Variants in FGGY observed in about 807,000 individuals in gnomAD.
FGGY encodes FGGY carbohydrate kinase domain containing, also known as FGGY carbohydrate kinase domain-containing protein.
FGGY carries 72 observed loss-of-function variants against 71.3 expected under a neutral mutation model. The observed-to-expected ratio is 1.01, with a 90% CI of 0.84 to 1.23. The LOEUF is 1.23. Ranked by LOEUF, FGGY falls within the 50% of genes most tolerant of loss-of-function variation. The pLI, the probability that FGGY is intolerant of heterozygous loss-of-function variation, is 0.00. For missense variants in FGGY, 668 were observed against 682.3 expected, an observed-to-expected ratio of 0.98 and a Z score of 0.23; for synonymous variants, 251 against 250.3, an observed-to-expected ratio of 1.00 and a Z score of -0.02.
chr1:59,322,357 T>C (rs923014526), intron 2 of FGGY, among the ~76,000 whole-genome samples: 6 of 151,830 alleles, frequency 4.0e-5, no homozygotes, highest in Non-Finnish European at 7.4e-5. Flanking sequence ...GTAAGTTCTT[T>C]AGTGGTGATT....
chr1:59,552,364 A>G (rs2095621009), intron 7 of FGGY, among the ~76,000 whole-genome samples: 1 of 152,238 alleles, frequency 6.6e-6, no homozygotes, highest in Admixed American at 6.5e-5. Context: ...GGTTGTGGAT[A>G]TGTAACTACT....
intron 5 of FGGY, among the ~76,000 whole-genome samples, chr1:59,379,391 G>A (rs1487415036): frequency 6.6e-6 from 1 of 151,988 alleles, no homozygotes; most frequent in African/African-American, 2.4e-5. Flanking sequence ...AATACTGTAG[G>A]CCATTGTGCA....
chr1:59,486,248 G>A (rs1347600334), intron 6 of FGGY, among the ~76,000 whole-genome samples: 3 of 152,198 alleles, frequency 2.0e-5, no homozygotes, highest in Non-Finnish European at 4.4e-5. Flanking sequence ...GGAACAGCAA[G>A]GGAAATGCAG....
intron 7 of FGGY, among the ~76,000 whole-genome samples, chr1:59,522,131 T>A (rs938373981): frequency 3.9e-5 from 6 of 152,246 alleles, no homozygotes; most frequent in Non-Finnish European, 8.8e-5. Flanking sequence ...CACTGTGAGC[T>A]ACAATTATTT....
intron 1 of FGGY, among the ~76,000 whole-genome samples, chr1:59,300,571 C>G (rs1341620302): frequency 1.3e-5 from 2 of 152,082 alleles, no homozygotes; most frequent in African/African-American, 4.8e-5. Context: ...TTTGCTTAAC[C>G]TAAGGTCTCA....
At chr1:59,553,158 C>T (rs188638482) in intron 7 of FGGY, among the ~76,000 whole-genome samples, 184 of 152,224 alleles carry the variant, frequency 1.2e-3, no homozygotes, top group African/African-American at 4.2e-3. Flanking sequence ...TGAGAGCAAA[C>T]GTGGCATTGC....
intron 8 of FGGY, among the ~76,000 whole-genome samples, chr1:59,587,799 G>T (rs890474756): frequency 1.3e-5 from 2 of 152,070 alleles, no homozygotes; most frequent in African/African-American, 4.8e-5. Context: ...CCATCTGTAC[G>T]TCGCCATCAT....
chr1:59,374,242 A>AAC (rs2058250009), intron 4 of FGGY, among the ~76,000 whole-genome samples: 2 of 152,372 alleles, frequency 1.3e-5, no homozygotes, highest in Non-Finnish European at 2.9e-5. Flanking sequence ...AAGTGGGTGC[A>AAC]GGACATGAAC....
At chr1:59,465,557 A>G (rs554575275) in intron 6 of FGGY, among the ~76,000 whole-genome samples, 1 of 152,306 alleles carries the variant, frequency 6.6e-6, no homozygotes, top group Admixed American at 6.5e-5. Flanking sequence ...GGAAAAGAGG[A>G]AGTCAAATTG....
Position 59,627,337 on chromosome 1 carries a change from A to G in FGGY, c.1073+1288A>G, listed in dbSNP as rs138266562. 7.8e-4 allele frequency among the ~76,000 whole-genome samples: 118 copies of G among 151,446 alleles called. 2 individuals are homozygous for G. The highest frequency in any genetic ancestry group is 2.6e-3 in the African/African-American group (109 of 41,418). ...GCTATAGTGACAACTCTTTATGTGT[A>G]TGCTACAGTTGAGTGAAGAAATCAA... is the stretch of plus-strand genomic sequence containing the variant. On this transcript the variant is annotated intron_variant, in intron 10 of 15. Coordinates refer to ENST00000303721, the MANE Select transcript of FGGY (RefSeq NM_018291.5).
At chr1:59,566,209 A>G (rs2095870669) in intron 8 of FGGY, among the ~76,000 whole-genome samples, 1 of 152,094 alleles carries the variant, frequency 6.6e-6, no homozygotes, top group South Asian at 2.1e-4. Flanking sequence ...GATGAAATAG[A>G]TGATGAGGCA....
At chr1:59,435,824 A>C (rs1468271437) in intron 5 of FGGY, among the ~76,000 whole-genome samples, 3 of 150,746 alleles carry the variant, frequency 2.0e-5, no homozygotes, top group Non-Finnish European at 4.4e-5. Flanking sequence ...AAGCTCCAGG[A>C]GTGCAAAGAT....
At chr1:59,760,559 A>G (rs1225099059) in intron 15 of FGGY, among the ~76,000 whole-genome samples, 3 of 152,248 alleles carry the variant, frequency 2.0e-5, no homozygotes, top group African/African-American at 7.2e-5. Context: ...GTTCATTAGT[A>G]GATGAACATA....
chr1:59,436,858 G>A (rs911056534), intron 5 of FGGY, among the ~76,000 whole-genome samples: 2 of 152,158 alleles, frequency 1.3e-5, no homozygotes, highest in African/African-American at 2.4e-5. Context: ...TAGCTCTTCG[G>A]GGGTGATCTT....
intron 5 of FGGY, among the ~76,000 whole-genome samples, chr1:59,389,773 C>T (rs897101211): frequency 1.3e-5 from 2 of 152,094 alleles, no homozygotes; most frequent in African/African-American, 4.8e-5. Flanking sequence ...AAAAATTATA[C>T]CCATTGTAGT....
At chr1:59,474,975 T>C (rs12092846) in intron 6 of FGGY, among the ~76,000 whole-genome samples, 6,070 of 152,280 alleles carry the variant, frequency 0.04, 397 homozygotes, top group African/African-American at 0.14. Flanking sequence ...GCAGGTAAAG[T>C]TCCTAGCATA....
intron 14 of FGGY, among the ~76,000 whole-genome samples, chr1:59,731,249 G>T (rs2098024349): frequency 1.3e-5 from 2 of 152,226 alleles, no homozygotes; most frequent in African/African-American, 4.8e-5. Flanking sequence ...CCACTGAGGG[G>T]AGTTTTGTCA....
At chr1:59,582,128 A>C (rs1444450491) in intron 8 of FGGY, among the ~76,000 whole-genome samples, 2 of 149,578 alleles carry the variant, frequency 1.3e-5, no homozygotes, top group Non-Finnish European at 2.9e-5. Context: ...GGGTACCTGT[A>C]GTCCCAGCTA....
At chr1:59,496,535 G>C (rs2094037497) in intron 6 of FGGY, among the ~76,000 whole-genome samples, 1 of 152,144 alleles carries the variant, frequency 6.6e-6, no homozygotes, top group South Asian at 2.1e-4. Context: ...TAAGGGTAGA[G>C]GTTGGGAAGA....
Sources: gnomAD v4.1 joint callset for allele counts (sites outside exome capture counted in the v4.1 genomes callset) on GRCh38, gnomAD v4.1.1 for gene constraint, MANE v1.5 for transcripts, NCBI Gene and HGNC (gene_info 2026-07-23, HGNC 2026-07-21) for gene names.